ERBB4: variants seen among roughly 807,000 people sequenced by gnomAD.
ERBB4 encodes receptor tyrosine-protein kinase erbB-4.
A neutral mutation model predicts 158.0 loss-of-function variants in ERBB4; 42 were observed. The ratio of observed to expected loss-of-function variants is 0.27; its 90% CI spans 0.21 to 0.34. ERBB4 has a LOEUF of 0.34. Among genes scored for constraint, ERBB4 ranks in the 10% least tolerant of loss-of-function variants. The pLI is 1.00. For synonymous variants in ERBB4, 583 were observed against 558.7 expected, an observed-to-expected ratio of 1.04 and a Z score of -0.61; for missense variants, 1,333 against 1,624.1, an observed-to-expected ratio of 0.82 and a Z score of 3.08.
chr2:212,247,601 AG>A (rs2084359113), intron 1 of ERBB4, among the ~76,000 whole-genome samples: 1 of 152,242 alleles, frequency 6.6e-6, no homozygotes, highest in South Asian at 2.1e-4. Flanking sequence ...TTGCTTGTCT[AG>A]AAAGCAATTA....
intron 1 of ERBB4, among the ~76,000 whole-genome samples, chr2:212,327,398 T>C (rs1039534257): frequency 6.6e-6 from 1 of 151,960 alleles, no homozygotes; most frequent in Admixed American, 6.6e-5. Flanking sequence ...ATCCAAGGCC[T>C]GTTCTCACAA....
chr2:212,316,565 G>T (rs2087289257), intron 1 of ERBB4, among the ~76,000 whole-genome samples: 1 of 151,472 alleles, frequency 6.6e-6, no homozygotes, highest in Non-Finnish European at 1.5e-5. Flanking sequence ...ATGATCCAGT[G>T]TAAAGGTCCA....
At chr2:212,279,809 T>C (rs1253484309) in intron 1 of ERBB4, among the ~76,000 whole-genome samples, 2 of 151,574 alleles carry the variant, frequency 1.3e-5, no homozygotes, top group Non-Finnish European at 1.5e-5. Flanking sequence ...GTATAGGTCA[T>C]TGGTTTCTAG....
chr2:211,648,250 T>A (rs556743621), intron 16 of ERBB4, among the ~76,000 whole-genome samples: 35 of 151,856 alleles, frequency 2.3e-4, no homozygotes, highest in African/African-American at 7.5e-4. Context: ...TCTTAGCCAG[T>A]TACTCAGGAC....
At chr2:211,690,822 T>G (rs900182189) in intron 12 of ERBB4, among the ~76,000 whole-genome samples, 3 of 152,220 alleles carry the variant, frequency 2.0e-5, no homozygotes, top group African/African-American at 4.8e-5. Context: ...AAAAGGCCAT[T>G]ATAAATCTCT....
intron 1 of ERBB4, among the ~76,000 whole-genome samples, chr2:212,450,413 A>G (rs1192269651): frequency 1.3e-5 from 2 of 152,140 alleles, no homozygotes; most frequent in Non-Finnish European, 2.9e-5. Flanking sequence ...AAAGAAAAAG[A>G]AAGTTCAGAG....
intron 2 of ERBB4, among the ~76,000 whole-genome samples, chr2:212,020,893 T>C (rs1040705992): frequency 6.6e-6 from 1 of 152,150 alleles, no homozygotes; most frequent in Non-Finnish European, 1.5e-5. Flanking sequence ...AGGTTTTTGT[T>C]ATAGTTCATA....
chr2:212,071,000 CAAAG>C (rs1447443245), intron 2 of ERBB4, among the ~76,000 whole-genome samples: 1 of 151,658 alleles, frequency 6.6e-6, no homozygotes, highest in Admixed American at 6.6e-5. Flanking sequence ...AAATGATAGA[CAAAG>C]TAACAACAAC....
At chr2:212,272,437 T>C (rs1022143950) in intron 1 of ERBB4, among the ~76,000 whole-genome samples, 1 of 151,706 alleles carries the variant, frequency 6.6e-6, no homozygotes, top group African/African-American at 2.4e-5. Context: ...GGCCGTTGAA[T>C]TGTGAAAAGG....
At chr2:212,073,780 G>A (rs1170199317) in intron 2 of ERBB4, among the ~76,000 whole-genome samples, 1 of 151,688 alleles carries the variant, frequency 6.6e-6, no homozygotes, top group African/African-American at 2.4e-5. Flanking sequence ...CAGAAAAGAT[G>A]GAGGCTATAC....
chr2:212,079,723 T>C lies in ERBB4; in HGVS notation c.234+45029A>G, dbSNP rs565181738. On this transcript the variant is annotated intron_variant, in intron 2 of 27. Coordinates refer to ENST00000342788, the MANE Select transcript of ERBB4 (RefSeq NM_005235.3). ...TTTGTAAAAAGGTGCCTGCCAAGTA[T>C]CTTTTTAAAAAGTATGTAAATGACA... 2.5e-3 allele frequency among the ~76,000 whole-genome samples: 386 copies of C among 152,198 alleles called. 1 individual carries two copies. Among genetic ancestry groups the C allele is most frequent in the African/African-American group, 8.9e-3 (370 of 41,542 alleles).
chr2:212,468,270 A>G (rs1434917356), intron 1 of ERBB4, among the ~76,000 whole-genome samples: 1 of 152,134 alleles, frequency 6.6e-6, no homozygotes, highest in Non-Finnish European at 1.5e-5. Flanking sequence ...ATGTGAGGAC[A>G]TGAGATTTGG....
chr2:212,389,810 GCTAA>G (rs1470029240), intron 1 of ERBB4, among the ~76,000 whole-genome samples: 1 of 151,826 alleles, frequency 6.6e-6, no homozygotes. Context: ...TCATGTGATT[GCTAA>G]CTTTCAAAAA....
At chr2:212,360,254 G>A (rs551251373) in intron 1 of ERBB4, among the ~76,000 whole-genome samples, 2 of 151,726 alleles carry the variant, frequency 1.3e-5, no homozygotes, top group African/African-American at 4.8e-5. Flanking sequence ...CCTAGCATGA[G>A]TCCAGAGTTA....
chr2:212,016,416 T>C (rs1198400407), intron 2 of ERBB4, among the ~76,000 whole-genome samples: 1 of 152,158 alleles, frequency 6.6e-6, no homozygotes. Context: ...TAAGTTCATA[T>C]TAAAAACTGT....
intron 1 of ERBB4, among the ~76,000 whole-genome samples, chr2:212,218,586 T>G (rs545576964): frequency 1.1e-4 from 16 of 151,360 alleles, no homozygotes; most frequent in Non-Finnish European, 1.9e-4. Flanking sequence ...GTCAACCAGC[T>G]AATTGCCTTC....
chr2:212,339,793 T>C (rs1443567228), intron 1 of ERBB4, among the ~76,000 whole-genome samples: 1 of 152,156 alleles, frequency 6.6e-6, no homozygotes, highest in Non-Finnish European at 1.5e-5. Flanking sequence ...AAATATGCTT[T>C]TTTAAAATTT....
At chr2:212,376,232 G>A (rs1462148101) in intron 1 of ERBB4, among the ~76,000 whole-genome samples, 1 of 151,930 alleles carries the variant, frequency 6.6e-6, no homozygotes, top group African/African-American at 2.4e-5. Context: ...ACTTACAACA[G>A]GAAATGAAAC....
At chr2:212,244,609 A>G (rs1044404674) in intron 1 of ERBB4, among the ~76,000 whole-genome samples, 2 of 152,088 alleles carry the variant, frequency 1.3e-5, no homozygotes, top group Non-Finnish European at 2.9e-5. Flanking sequence ...CTATTTCACC[A>G]TATGTTTTAT....
Sources: gnomAD v4.1 joint callset for allele counts (sites outside exome capture counted in the v4.1 genomes callset) on GRCh38, gnomAD v4.1.1 for gene constraint, MANE v1.5 for transcripts, NCBI Gene and HGNC (gene_info 2026-07-23, HGNC 2026-07-21) for gene names.